The following CNTN5 variants were observed in gnomAD, a reference collection of about 807,000 sequenced individuals.
The protein encoded by CNTN5 is contactin-5.
CNTN5 carries 77 observed loss-of-function variants against 129.1 expected under a neutral mutation model. The observed-to-expected ratio is 0.60, with a 90% confidence interval of 0.50 to 0.72. The LOEUF is 0.72. Ranked by LOEUF, CNTN5 falls within the 30% of genes least tolerant of loss-of-function variation. The pLI is 0.00. For missense variants in CNTN5, 1,478 were observed against 1,328.8 expected (o/e 1.11, Z -1.75); for synonymous variants, 509 against 465.6 (o/e 1.09, Z -1.20).
At chr11:99,911,928 T>C (rs1949672101) in intron 6 of CNTN5, among the ~76,000 whole-genome samples, 1 of 151,966 alleles carries the variant, frequency 6.6e-6, no homozygotes. Context: ...CTTCCAATAA[T>C]TTACAACAAT....
At chr11:100,064,445 T>C (rs1298435312) in intron 10 of CNTN5, among the ~76,000 whole-genome samples, 1 of 152,120 alleles carries the variant, frequency 6.6e-6, no homozygotes, top group Non-Finnish European at 1.5e-5. Context: ...AAGAAGTCCA[T>C]GGTAGTTAAA....
At chr11:99,650,703 C>A (rs1952122800) in intron 3 of CNTN5, among the ~76,000 whole-genome samples, 1 of 151,898 alleles carries the variant, frequency 6.6e-6, no homozygotes, top group African/African-American at 2.4e-5. Context: ...TGTGATCCTT[C>A]TACTACAAAT....
At chr11:99,970,659 T>C (rs1449802442) in intron 8 of CNTN5, among the ~76,000 whole-genome samples, 2 of 152,216 alleles carry the variant, frequency 1.3e-5, no homozygotes. Context: ...AGCATTTTAC[T>C]TGTGCATGTG....
chr11:99,893,680 G>C lies in CNTN5; in HGVS notation c.578-22374G>C, dbSNP rs116789712. On this transcript the variant is annotated intron_variant, in intron 6 of 24. Coordinates refer to ENST00000524871, the MANE Select transcript of CNTN5 (RefSeq NM_014361.4). ...TTTGATTTCTATTTAGGTTGAATTTGATTGTCTCCAATTCAATGATAATAT... is the reference window on the plus strand; with the variant it reads ...TTTGATTTCTATTTAGGTTGAATTTCATTGTCTCCAATTCAATGATAATAT... Among the ~76,000 whole-genome samples the C allele has an allele frequency of 6.3e-3, 955 of 152,208 alleles. 9 individuals are homozygous for C. The highest frequency in any genetic ancestry group is 0.022 in the African/African-American group (907 of 41,544).
At chr11:99,046,893 T>C (rs1013337983) in intron 1 of CNTN5, among the ~76,000 whole-genome samples, 1 of 152,108 alleles carries the variant, frequency 6.6e-6, no homozygotes, top group Non-Finnish European at 1.5e-5. Context: ...TAAAGTCTCA[T>C]GTATAATTGA....
At chr11:99,081,626 C>G (rs1048895295) in intron 1 of CNTN5, among the ~76,000 whole-genome samples, 10 of 152,176 alleles carry the variant, frequency 6.6e-5, no homozygotes, top group African/African-American at 2.4e-4. Flanking sequence ...TAAGGTACAG[C>G]ACTGATATTC....
In CNTN5 at chr11:99,240,879, C is replaced by T; in HGVS notation, c.-209-84467C>T. On this transcript the variant is annotated intron_variant, in intron 1 of 24. Transcript: ENST00000524871. ...TGCCCCGTAAAACCAAACACACAGA[C>T]TGTGTTAATGTCAGGGTTTTAACAT... 1.3e-5 allele frequency among the ~76,000 whole-genome samples: 2 copies of T among 152,238 alleles called. 1 individual carries two copies. The highest frequency in any genetic ancestry group is 4.8e-5 in the African/African-American group (2 of 41,546).
At chr11:99,307,146 T>G (rs1208860880) in intron 1 of CNTN5, among the ~76,000 whole-genome samples, 1 of 152,186 alleles carries the variant, frequency 6.6e-6, no homozygotes, top group African/African-American at 2.4e-5. Flanking sequence ...TTTAAATATT[T>G]TCCTAGTGCC....
intron 1 of CNTN5, among the ~76,000 whole-genome samples, chr11:99,098,274 T>A (rs2135341107): frequency 6.6e-6 from 1 of 152,214 alleles, no homozygotes; most frequent in East Asian, 1.9e-4. Flanking sequence ...CAGATGAATT[T>A]CCATCAGGCA....
chr11:99,161,134 T>C (rs1373307306), intron 1 of CNTN5, among the ~76,000 whole-genome samples: 1 of 152,166 alleles, frequency 6.6e-6, no homozygotes, highest in Non-Finnish European at 1.5e-5. Flanking sequence ...TAGTCCCTGA[T>C]TGATATCTAC....
At chr11:99,540,404 G>T (rs1343869347) in intron 2 of CNTN5, among the ~76,000 whole-genome samples, 1 of 152,120 alleles carries the variant, frequency 6.6e-6, no homozygotes, top group Admixed American at 6.6e-5. Flanking sequence ...TTTGCTGGGT[G>T]TCTTCAAGAC....
chr11:99,821,418 AAAAG>A (rs1448157319), intron 4 of CNTN5, among the ~76,000 whole-genome samples: 6 of 152,186 alleles, frequency 3.9e-5, no homozygotes, highest in Non-Finnish European at 8.8e-5. Context: ...TAGCAGACAG[AAAAG>A]AAAGAAAATC....
At chr11:99,909,185 T>C (rs539300133) in intron 6 of CNTN5, among the ~76,000 whole-genome samples, 1 of 152,288 alleles carries the variant, frequency 6.6e-6, no homozygotes, top group South Asian at 2.1e-4. Context: ...AAAGGTGATA[T>C]GTTGTCCCAT....
intron 1 of CNTN5, among the ~76,000 whole-genome samples, chr11:99,289,460 TTCTC>T (rs968366898): frequency 1.3e-4 from 19 of 151,782 alleles, no homozygotes; most frequent in African/African-American, 4.6e-4. Flanking sequence ...TTAATATCCT[TTCTC>T]TCTCTTCACT....
At chr11:99,301,912 T>C (rs1864658669) in intron 1 of CNTN5, among the ~76,000 whole-genome samples, 1 of 151,174 alleles carries the variant, frequency 6.6e-6, no homozygotes, top group Non-Finnish European at 1.5e-5. Context: ...AAATTAAATA[T>C]GAAAAAGAGA....
chr11:99,189,871 T>C (rs1295272844), intron 1 of CNTN5, among the ~76,000 whole-genome samples: 2 of 151,680 alleles, frequency 1.3e-5, no homozygotes, highest in Non-Finnish European at 3.0e-5. Flanking sequence ...CTTTACTCTA[T>C]TGATTGTTCC....
intron 1 of CNTN5, among the ~76,000 whole-genome samples, chr11:99,172,537 A>T (rs1861195184): frequency 6.6e-6 from 1 of 152,212 alleles, no homozygotes; most frequent in African/African-American, 2.4e-5. Context: ...ATACATTAAC[A>T]TCTCTGAAGC....
At chr11:100,338,545 CT>C in intron 21 of CNTN5, among the ~76,000 whole-genome samples, 1 of 152,310 alleles carries the variant, frequency 6.6e-6, no homozygotes, top group East Asian at 1.9e-4. Flanking sequence ...AAGAATTACT[CT>C]CTTATGACCT....
At chr11:99,578,965 C>G (rs1949468214) in intron 3 of CNTN5, among the ~76,000 whole-genome samples, 1 of 152,088 alleles carries the variant, frequency 6.6e-6, no homozygotes, top group South Asian at 2.1e-4. Flanking sequence ...GGTTTTAGGT[C>G]TAACCATGTA....
Sources: gnomAD v4.1 joint callset for allele counts (sites outside exome capture counted in the v4.1 genomes callset) on GRCh38, gnomAD v4.1.1 for gene constraint, MANE v1.5 for transcripts, NCBI Gene and HGNC (gene_info 2026-07-23, HGNC 2026-07-21) for gene names.